Variants in TNIK observed in about 807,000 individuals in gnomAD.
TNIK encodes TRAF2 and NCK-interacting protein kinase.
Under a neutral mutation model 191.3 loss-of-function variants are expected in TNIK, and 49 were observed. That is an observed-to-expected ratio of 0.26 (90% CI 0.20 to 0.32). The LOEUF (loss-of-function observed/expected upper bound fraction) is 0.32. Ranked by LOEUF, TNIK falls within the 10% of genes least tolerant of loss-of-function variation. The probability of loss-of-function intolerance (pLI) is 1.00; values close to 1 mark genes in which losing one functional copy is unlikely to be tolerated. For synonymous variants in TNIK, 594 were observed against 600.9 expected, an observed-to-expected ratio of 0.99 and a Z score of 0.17; for missense variants, 1,155 against 1,702.3, an observed-to-expected ratio of 0.68 and a Z score of 5.66.
At chr3:171,367,435 C>T (rs1468379504) in intron 2 of TNIK, among the ~76,000 whole-genome samples, 2 of 115,924 alleles carry the variant, frequency 1.7e-5, no homozygotes, top group African/African-American at 6.5e-5. Flanking sequence ...AGTTATAATT[C>T]TTTAAGTAAA....
intron 2 of TNIK, among the ~76,000 whole-genome samples, chr3:171,323,519 T>C (rs1560427553): frequency 1.3e-5 from 2 of 152,170 alleles, no homozygotes; most frequent in African/African-American, 2.4e-5. Flanking sequence ...GAGGTCAGTG[T>C]TGGGCACTGA....
At chr3:171,364,841 TG>T (rs145590634) in intron 2 of TNIK, among the ~76,000 whole-genome samples, 14,991 of 152,156 alleles carry the variant, frequency 0.099, 960 homozygotes, top group Non-Finnish European at 0.15. Context: ...ATGAGAGGGC[TG>T]GGGGAAAGTG....
At chr3:171,204,714 A>G (rs1254040510) in intron 4 of TNIK, among the ~76,000 whole-genome samples, 1 of 152,236 alleles carries the variant, frequency 6.6e-6, no homozygotes, top group Non-Finnish European at 1.5e-5. Flanking sequence ...AATATTGGGT[A>G]AATAGAGGAG....
intron 2 of TNIK, among the ~76,000 whole-genome samples, chr3:171,269,225 G>T (rs1748788958): frequency 6.7e-6 from 1 of 150,172 alleles, no homozygotes; most frequent in African/African-American, 2.5e-5. Flanking sequence ...AGAGTAGCTA[G>T]TATAATGCAG....
At chr3:171,178,065 T>G (rs1015966839) in intron 7 of TNIK, among the ~76,000 whole-genome samples, 24 of 152,272 alleles carry the variant, frequency 1.6e-4, no homozygotes, top group African/African-American at 5.8e-4. Flanking sequence ...TTGTGTAGTA[T>G]TCCATTCTAT....
chr3:171,365,484 A>G (rs1056113784), intron 2 of TNIK, among the ~76,000 whole-genome samples: 1 of 152,014 alleles, frequency 6.6e-6, no homozygotes, highest in Non-Finnish European at 1.5e-5. Context: ...GCCCGGCCCA[A>G]AAGTTCTACA....
At chr3:171,131,875 C>T (rs1237050483) in intron 15 of TNIK, among the ~76,000 whole-genome samples, 1 of 152,158 alleles carries the variant, frequency 6.6e-6, no homozygotes, top group Non-Finnish European at 1.5e-5. Context: ...AGGCCCTTTT[C>T]ATTATTTTCA....
At chr3:171,112,987 T>G (rs1299852552) in intron 18 of TNIK, among the ~76,000 whole-genome samples, 1 of 152,160 alleles carries the variant, frequency 6.6e-6, no homozygotes, top group Non-Finnish European at 1.5e-5. Context: ...TGTGTGCATG[T>G]GTGTGTGCAT....
At chr3:171,085,614 A>G (rs759404930) in intron 24 of TNIK, among the ~76,000 whole-genome samples, 2 of 152,216 alleles carry the variant, frequency 1.3e-5, no homozygotes, top group Non-Finnish European at 2.9e-5. Context: ...CAATAAACTA[A>G]GTAAGGAAGC....
At chr3:171,088,585 C>T (rs911758936) in intron 23 of TNIK, among the ~76,000 whole-genome samples, 2 of 152,154 alleles carry the variant, frequency 1.3e-5, no homozygotes, top group African/African-American at 4.8e-5. Context: ...AAATGTATGA[C>T]TTGTGAATAA....
At chr3:171,087,283 G>T in intron 24 of TNIK, 59 bp downstream of exon 24, 4 of 1,603,742 alleles carry the variant, frequency 2.5e-6, no homozygotes, top group Non-Finnish European at 3.4e-6. Flanking sequence ...AGAGATCATG[G>T]TTTTAGAACC....
chr3:171,252,541 A>G (rs938430190), intron 2 of TNIK, among the ~76,000 whole-genome samples: 3 of 152,236 alleles, frequency 2.0e-5, no homozygotes, highest in Non-Finnish European at 2.9e-5. Flanking sequence ...GGTAACATGC[A>G]TATTAAAATA....
At chr3:171,433,785 T>C (rs963049970) in intron 1 of TNIK, among the ~76,000 whole-genome samples, 1 of 152,074 alleles carries the variant, frequency 6.6e-6, no homozygotes, top group Non-Finnish European at 1.5e-5. Context: ...TTCAGAAACA[T>C]GAGATATTTT....
chr3:171,357,104 G>A (rs2108455765), intron 2 of TNIK, among the ~76,000 whole-genome samples: 1 of 152,116 alleles, frequency 6.6e-6, no homozygotes, highest in East Asian at 1.9e-4. Context: ...TTTTTTCTTT[G>A]TCCTATTCTC....
chr3:171,081,503 T>A (rs59110841), intron 27 of TNIK, among the ~76,000 whole-genome samples: 3,432 of 148,878 alleles, frequency 0.023, 153 homozygotes, highest in African/African-American at 0.082. Context: ...CAGCCTAGAT[T>A]TTCACATCTC....
rs546558618 is a variant in TNIK, at chr3:171,237,504, A to G, written c.124-9283T>C. ...ACTGGAGTCATAATGATTCCCACGGAAAAAAAAAAAAAGACTACAATGAGC... is the reference window on the plus strand; with the variant it reads ...ACTGGAGTCATAATGATTCCCACGGGAAAAAAAAAAAAGACTACAATGAGC... On this transcript the variant is annotated intron_variant, in intron 2 of 32. Coordinates refer to ENST00000436636, the MANE Select transcript of TNIK (RefSeq NM_015028.4). Among the ~76,000 whole-genome samples the G allele has an allele frequency of 1.5e-3, 182 of 123,496 alleles. 1 individual carries two copies. The highest frequency in any genetic ancestry group is 4.6e-3 in the Middle Eastern group (1 of 218). The allele number at this position is 123,496 out of a possible 152,430, so 81.0% of individuals were successfully genotyped here. A position where few individuals can be genotyped will look rare whatever the true frequency, so the allele number is the denominator to read the frequency against.
At chr3:171,191,309 G>A (rs773437654) in intron 5 of TNIK, among the ~76,000 whole-genome samples, 12 of 152,184 alleles carry the variant, frequency 7.9e-5, no homozygotes, top group Non-Finnish European at 1.2e-4. Flanking sequence ...GTGCAATGGC[G>A]TGGTCTGGGC....
At position 171,093,974 on chromosome 3, in the gene TNIK, A is replaced by T; in HGVS notation, c.2592-6T>A. 6.2e-7 allele frequency: 1 copy of T among 1,611,428 alleles called. No individual in the cohort carries two copies. The highest frequency in any genetic ancestry group is 8.5e-7 in the Non-Finnish European group (1 of 1,179,086). ...TGCCTGGAGCTCCTGTTGGTCTGAG[A>T]TGAGAAGGAACAACATTCATGGCAA... On this transcript the variant is annotated splice_region_variant and splice_polypyrimidine_tract_variant and intron_variant, in intron 22 of 32. Transcript: ENST00000436636.
At chr3:171,345,675 T>C (rs1429118836) in intron 2 of TNIK, among the ~76,000 whole-genome samples, 3 of 152,130 alleles carry the variant, frequency 2.0e-5, no homozygotes, top group African/African-American at 7.2e-5. Flanking sequence ...GAACTCAGTT[T>C]TTGGTGAAGG....
Sources: allele counts gnomAD v4.1 joint callset (sites outside exome capture counted in the v4.1 genomes callset), GRCh38; gene constraint gnomAD v4.1.1; transcripts MANE v1.5; gene names NCBI Gene and HGNC (gene_info 2026-07-23, HGNC 2026-07-21).